Variants in SLC67A2 observed in about 807,000 individuals in gnomAD.
The protein encoded by SLC67A2 is solute carrier family 67 member A2.
At chr2:102,719,349 T>C in the SLC67A2 span, 1 of 844,968 alleles carries the variant, frequency 1.2e-6, no homozygotes. Flanking sequence ...TTTTTGTATC[T>C]AGTCTTTCAC....
the SLC67A2 span, among the ~76,000 whole-genome samples, chr2:102,733,468 C>T: frequency 6.6e-6 from 1 of 152,080 alleles, no homozygotes; most frequent in Admixed American, 6.5e-5. Flanking sequence ...TTCAGTGGGC[C>T]TTTTCCATGG....
At chr2:102,736,804 G>C in the SLC67A2 span, 2 of 1,602,674 alleles carry the variant, frequency 1.2e-6, no homozygotes, top group South Asian at 1.1e-5. Flanking sequence ...TGACCCCCAA[G>C]CTCCATACCC....
chr2:102,716,004 T>A, the SLC67A2 span: 1 of 152,152 alleles, frequency 6.6e-6, no homozygotes, highest in East Asian at 1.9e-4. Flanking sequence ...TGTTCACAGG[T>A]CTCAGGTGAT....
chr2:102,718,573 G>A, the SLC67A2 span: 3 of 1,613,266 alleles, frequency 1.9e-6, no homozygotes, highest in East Asian at 6.7e-5. Context: ...GAGGGGCGAT[G>A]ATGCGGCCCA....
chr2:102,719,228 C>A, the SLC67A2 span: 1 of 1,598,970 alleles, frequency 6.3e-7, no homozygotes, highest in Non-Finnish European at 8.5e-7. Context: ...GGCATGAGAC[C>A]GGTTAAAGCA....
chr2:102,736,787 G>C, the SLC67A2 span: 2 of 1,612,928 alleles, frequency 1.2e-6, no homozygotes, highest in East Asian at 2.2e-5. Context: ...CCGAGTTCAT[G>C]TCCCAGTGAC....
chr2:102,731,994 T>C, the SLC67A2 span: 1 of 436,914 alleles, frequency 2.3e-6, no homozygotes, highest in Non-Finnish European at 4.5e-6. Flanking sequence ...GGTTAAGGGT[T>C]CCTGTAGGCA....
At chr2:102,714,957 A>G in the SLC67A2 span, among the ~76,000 whole-genome samples, 1 of 152,218 alleles carries the variant, frequency 6.6e-6, no homozygotes, top group African/African-American at 2.4e-5. Context: ...AATACCTTAT[A>G]GAAGTGTCTT....
the SLC67A2 span, among the ~76,000 whole-genome samples, chr2:102,726,684 T>C: frequency 1.3e-5 from 2 of 151,742 alleles, no homozygotes; most frequent in Non-Finnish European, 2.9e-5. Context: ...TTGGGAAGCC[T>C]CAGAGACTTG....
At chr2:102,724,046 TACC>T in the SLC67A2 span, 30 of 699,172 alleles carry the variant, frequency 4.3e-5, no homozygotes, top group East Asian at 1.3e-4. Flanking sequence ...CTCACCACTA[TACC>T]ACCACGGCAT....
At chr2:102,729,269 T>G in the SLC67A2 span, among the ~76,000 whole-genome samples, 1 of 152,186 alleles carries the variant, frequency 6.6e-6, no homozygotes, top group South Asian at 2.1e-4. Context: ...GGTAGAGTCA[T>G]AGTTAGCAAT....
the SLC67A2 span, among the ~76,000 whole-genome samples, chr2:102,735,092 C>T: frequency 2.0e-5 from 3 of 152,212 alleles, no homozygotes; most frequent in African/African-American, 7.2e-5. Context: ...ACCACCCATA[C>T]TCACTGGTTG....
the SLC67A2 span, chr2:102,723,556 G>A: frequency 0.011 from 29 of 2,692 alleles, no homozygotes; most frequent in African/African-American, 0.43. Flanking sequence ...GAAAACACTA[G>A]GGGGGGTTCC....
the SLC67A2 span, among the ~76,000 whole-genome samples, chr2:102,726,429 T>A: frequency 6.6e-6 from 1 of 152,196 alleles, no homozygotes; most frequent in Non-Finnish European, 1.5e-5. Context: ...CTCTGTCAAG[T>A]ACGACTCCAG....
At chr2:102,715,686 A>G in the SLC67A2 span, among the ~76,000 whole-genome samples, 6 of 152,150 alleles carry the variant, frequency 3.9e-5, no homozygotes, top group Admixed American at 6.5e-5. Flanking sequence ...GGAAGGTTCA[A>G]TACTCCTAAA....
chr2:102,724,676 G>A, the SLC67A2 span, among the ~76,000 whole-genome samples: 2 of 152,158 alleles, frequency 1.3e-5, no homozygotes, highest in African/African-American at 4.8e-5. Flanking sequence ...AATAAATGCG[G>A]CTGGCGGATC....
At chr2:102,733,259 G>GA in the SLC67A2 span, among the ~76,000 whole-genome samples, 1 of 152,204 alleles carries the variant, frequency 6.6e-6, no homozygotes, top group Non-Finnish European at 1.5e-5. Context: ...TTTAGTGGGA[G>GA]AAAAAACATT....
chr2:102,732,858 A>C, the SLC67A2 span, among the ~76,000 whole-genome samples: 1 of 152,224 alleles, frequency 6.6e-6, no homozygotes, highest in Admixed American at 6.5e-5. Flanking sequence ...AGAAGGAAGA[A>C]GCTGGTGCAC....
the SLC67A2 span, chr2:102,723,836 A>G: frequency 1.1e-5 from 18 of 1,614,078 alleles, no homozygotes; most frequent in African/African-American, 2.4e-4. Flanking sequence ...GTCCGATTAC[A>G]AGCGGCCGTT....
Sources: gnomAD v4.1 joint callset for allele counts (sites outside exome capture counted in the v4.1 genomes callset) on GRCh38, gnomAD v4.1.1 for gene constraint, MANE v1.5 for transcripts, NCBI Gene and HGNC (gene_info 2026-07-23, HGNC 2026-07-21) for gene names.